CACNA2D3: variants seen among roughly 807,000 people sequenced by gnomAD.
The protein encoded by CACNA2D3 is calcium voltage-gated channel auxiliary subunit alpha2delta 3.
Under a neutral mutation model 160.6 loss-of-function variants are expected in CACNA2D3, and 60 were observed. The ratio of observed to expected loss-of-function variants is 0.37; its 90% CI spans 0.30 to 0.46. The LOEUF is 0.46. Among genes scored for constraint, CACNA2D3 ranks in the 20% least tolerant of loss-of-function variants. The pLI is 1.00. For missense variants in CACNA2D3, 1,205 were observed against 1,365.0 expected (o/e 0.88, Z 1.85); for synonymous variants, 558 against 492.9 (o/e 1.13, Z -1.75).
rs552824695 is a variant in CACNA2D3 at position 54,220,731 on chromosome 3, G to T, written c.204+97137G>T. Among the ~76,000 whole-genome samples the T allele has an allele frequency of 2.6e-5, 4 of 152,288 alleles. No homozygotes were observed. In the South Asian group the frequency reaches 8.3e-4, roughly 32 times the overall value. On this transcript the variant is annotated intron_variant, in intron 2 of 37. Coordinates refer to ENST00000474759, the MANE Select transcript of CACNA2D3 (RefSeq NM_018398.3). ...ACCACTTGTCTCCTCCTGTAGCTCT[G>T]GTTACAACCGTGACACGTTTGGGCT...
intron 2 of CACNA2D3, among the ~76,000 whole-genome samples, chr3:54,206,976 CTA>C (rs1352612846): frequency 2.6e-5 from 4 of 152,204 alleles, no homozygotes; most frequent in African/African-American, 9.7e-5. Context: ...TAGGGACTTC[CTA>C]TAGCCCCTGA....
At chr3:54,933,045 ATCCC>A (rs1395976715) in intron 27 of CACNA2D3, among the ~76,000 whole-genome samples, 6 of 137,258 alleles carry the variant, frequency 4.4e-5, no homozygotes, top group African/African-American at 1.0e-4. Flanking sequence ...CCATCCATCC[ATCCC>A]TCCCTTCCTT....
chr3:54,742,261 A>C (rs931041256), intron 11 of CACNA2D3, among the ~76,000 whole-genome samples: 1 of 152,036 alleles, frequency 6.6e-6, no homozygotes, highest in African/African-American at 2.4e-5. Flanking sequence ...TCTACTAAAA[A>C]TACAAAAATT....
intron 2 of CACNA2D3, among the ~76,000 whole-genome samples, chr3:54,219,564 T>C (rs1390826452): frequency 6.6e-6 from 1 of 152,212 alleles, no homozygotes; most frequent in African/African-American, 2.4e-5. Flanking sequence ...TTCTCTTCCT[T>C]CGGGGGGATT....
intron 16 of CACNA2D3, among the ~76,000 whole-genome samples, chr3:54,845,558 T>A (rs1173524576): frequency 6.6e-6 from 1 of 152,240 alleles, no homozygotes; most frequent in Non-Finnish European, 1.5e-5. Flanking sequence ...CATGAATGAT[T>A]TGTAGGTAAA....
chr3:55,070,743 G>A (rs964117088), intron 35 of CACNA2D3, among the ~76,000 whole-genome samples: 7 of 152,136 alleles, frequency 4.6e-5, no homozygotes, highest in East Asian at 1.9e-4. Context: ...AGGTTCTACC[G>A]CACAAATGTG....
At chr3:54,992,661 C>G (rs1443609139) in intron 31 of CACNA2D3, among the ~76,000 whole-genome samples, 2 of 151,934 alleles carry the variant, frequency 1.3e-5, no homozygotes, top group African/African-American at 4.8e-5. Context: ...CTTGGATTAT[C>G]TTCTTGTCCC....
chr3:54,840,413 T>C (rs924288024), intron 16 of CACNA2D3, among the ~76,000 whole-genome samples: 1 of 139,318 alleles, frequency 7.2e-6, no homozygotes, highest in African/African-American at 2.7e-5. Context: ...CTTTTTTTTT[T>C]TTTTTTTTTT....
chr3:54,513,977 T>C (rs1701503022), intron 5 of CACNA2D3, among the ~76,000 whole-genome samples: 1 of 152,246 alleles, frequency 6.6e-6, no homozygotes, highest in South Asian at 2.1e-4. Flanking sequence ...CCAGCCGTCA[T>C]GCCTGTTTAT....
intron 27 of CACNA2D3, among the ~76,000 whole-genome samples, chr3:54,956,901 G>A (rs1701911582): frequency 6.6e-6 from 1 of 151,916 alleles, no homozygotes; most frequent in Non-Finnish European, 1.5e-5. Context: ...AAACCTCTTT[G>A]CCTTTGCTGT....
intron 2 of CACNA2D3, among the ~76,000 whole-genome samples, chr3:54,188,202 T>G (rs1231112591): frequency 6.6e-6 from 1 of 152,024 alleles, no homozygotes; most frequent in Non-Finnish European, 1.5e-5. Context: ...CAACTCACTG[T>G]TATCAATTTA....
intron 11 of CACNA2D3, among the ~76,000 whole-genome samples, chr3:54,696,763 A>G (rs542751730): frequency 6.6e-6 from 1 of 152,364 alleles, no homozygotes; most frequent in South Asian, 2.1e-4. Flanking sequence ...GACATTTTAA[A>G]GAATGCTAAA....
At chr3:54,912,833 C>T (rs1358338902) in intron 27 of CACNA2D3, among the ~76,000 whole-genome samples, 3 of 152,070 alleles carry the variant, frequency 2.0e-5, no homozygotes, top group Non-Finnish European at 1.5e-5. Context: ...GGAGAACATC[C>T]TCCTATATGC....
intron 2 of CACNA2D3, among the ~76,000 whole-genome samples, chr3:54,251,347 A>T (rs903164283): frequency 6.6e-6 from 1 of 152,220 alleles, no homozygotes; most frequent in Non-Finnish European, 1.5e-5. Flanking sequence ...GGTGCAGGGC[A>T]TCTCTAACTC....
chr3:54,918,715 T>C (rs1191222333), intron 27 of CACNA2D3: 1 of 1,614,126 alleles, frequency 6.2e-7, no homozygotes, highest in Admixed American at 1.7e-5. Context: ...CCCCGCGTTG[T>C]GGTTCTCAGG....
At chr3:54,167,699 A>G (rs1036458357) in intron 2 of CACNA2D3, among the ~76,000 whole-genome samples, 6 of 152,190 alleles carry the variant, frequency 3.9e-5, no homozygotes, top group Non-Finnish European at 7.3e-5. Flanking sequence ...CAACGTAGTT[A>G]AGGTGGACAG....
chr3:54,203,776 G>A (rs1056126161), intron 2 of CACNA2D3, among the ~76,000 whole-genome samples: 2 of 152,068 alleles, frequency 1.3e-5, no homozygotes, highest in African/African-American at 2.4e-5. Context: ...ATGTCCTCTC[G>A]CTGTCCGGCC....
chr3:55,009,452 C>T lies in CACNA2D3; in HGVS notation c.2875+9C>T. 6.2e-7 allele frequency: 1 copy of T among 1,613,098 alleles called. No individual in the cohort carries two copies. The highest frequency in any genetic ancestry group is 8.5e-7 in the Non-Finnish European group (1 of 1,179,074). ...CGATATGACAGCTAAAGGTGAGCAG[C>T]AACTGGTTTCTGTTTCCCAGCTTGG... On this transcript the variant is annotated intron_variant, in intron 34 of 37. Coordinates refer to ENST00000474759, the MANE Select transcript of CACNA2D3 (RefSeq NM_018398.3).
Position 54,479,819 on chromosome 3 carries a change from A to G in CACNA2D3, c.382-23673A>G, listed in dbSNP as rs146190718. On this transcript the variant is annotated intron_variant, in intron 4 of 37. Transcript: ENST00000474759. ...ATGATGTATTTAAATATTTTATAGTAAAGCATGCTCAGTGGGCAGCTATTA... is the reference window on the plus strand; with the variant it reads ...ATGATGTATTTAAATATTTTATAGTGAAGCATGCTCAGTGGGCAGCTATTA... Among the ~76,000 whole-genome samples, 32 of 152,360 alleles carry G rather than the reference A, an allele frequency of 2.1e-4. No homozygotes were observed. In the East Asian group the frequency reaches 2.1e-3, roughly 10 times the overall value.
Sources: allele counts gnomAD v4.1 joint callset (sites outside exome capture counted in the v4.1 genomes callset), GRCh38; gene constraint gnomAD v4.1.1; transcripts MANE v1.5; gene names NCBI Gene and HGNC (gene_info 2026-07-23, HGNC 2026-07-21).